Variants in MBNL2 observed in about 807,000 individuals in gnomAD.
MBNL2 encodes muscleblind-like protein 2.
In MBNL2, 17 loss-of-function variants were observed where a neutral mutation model predicts 41.9. The ratio of observed to expected loss-of-function variants is 0.41; its 90% CI spans 0.28 to 0.61. The LOEUF (loss-of-function observed/expected upper bound fraction) is 0.61, where lower values mean the gene tolerates loss of function less well. Ranked by LOEUF, MBNL2 falls within the 20% of genes least tolerant of loss-of-function variation. MBNL2 has a pLI of 0.35. For synonymous variants in MBNL2, 195 were observed against 182.9 expected, an observed-to-expected ratio of 1.07 and a Z score of -0.53; for missense variants, 336 against 505.6, an observed-to-expected ratio of 0.66 and a Z score of 3.22.
intron 2 of MBNL2, among the ~76,000 whole-genome samples, chr13:97,322,240 C>T (rs1184214377): frequency 6.6e-6 from 1 of 152,146 alleles, no homozygotes; most frequent in African/African-American, 2.4e-5. Context: ...TAAATGCCCA[C>T]GCCATGGTGC....
At chr13:97,256,834 C>T (rs1022577329) in intron 1 of MBNL2, among the ~76,000 whole-genome samples, 1 of 152,124 alleles carries the variant, frequency 6.6e-6, no homozygotes, top group Non-Finnish European at 1.5e-5. Flanking sequence ...AATCATTTCT[C>T]ATTTAGAGGC....
the MBNL2 span, among the ~76,000 whole-genome samples, chr13:97,176,052 CTGG>C: frequency 6.6e-6 from 1 of 152,180 alleles, no homozygotes; most frequent in Non-Finnish European, 1.5e-5. Context: ...CTCTGCCATG[CTGG>C]AAGAATCTGT....
At chr13:97,261,084 TCTC>T (rs147789858) in intron 1 of MBNL2, among the ~76,000 whole-genome samples, 3,596 of 152,018 alleles carry the variant, frequency 0.024, 131 homozygotes, top group African/African-American at 0.082. Context: ...GCCTTTTTCT[TCTC>T]CTTGATACCT....
chr13:97,346,869 C>T lies in MBNL2; in HGVS notation c.606C>T (p.Pro202=), dbSNP rs373489782. ...AGACCGACTGCCGCTTTGCACACCCCGCAGACAGCACCATGATCGACACAA... is the reference window on the plus strand; with the variant it reads ...AGACCGACTGCCGCTTTGCACACCCTGCAGACAGCACCATGATCGACACAA... ...RGETDCRFAH[P]ADSTMIDTSD... Residue 202 remains proline, a synonymous_variant, in exon 5 of 9, where the codon CCC becomes CCT. Coordinates refer to ENST00000679496, the MANE Select transcript of MBNL2 (RefSeq NM_001382683.1). The surrounding 1 kb of genome is among the most constrained non-coding windows in gnomAD (Gnocchi z 4.2). 15 of 1,613,912 alleles carry T rather than the reference C, an allele frequency of 9.3e-6. No homozygotes were observed. The highest frequency in any genetic ancestry group is 6.7e-5 in the Admixed American group (4 of 60,028).
At chr13:97,257,562 C>T (rs1028602808) in intron 1 of MBNL2, among the ~76,000 whole-genome samples, 3 of 152,298 alleles carry the variant, frequency 2.0e-5, no homozygotes, top group East Asian at 3.9e-4. Context: ...AGAAAATACC[C>T]AAAAGATACA....
At chr13:97,174,263 A>G in the MBNL2 span, among the ~76,000 whole-genome samples, 2 of 151,990 alleles carry the variant, frequency 1.3e-5, no homozygotes, top group African/African-American at 4.8e-5. Context: ...TAACTTCCTA[A>G]CTCTACAGCC....
the MBNL2 span, among the ~76,000 whole-genome samples, chr13:97,197,011 G>T: frequency 6.6e-6 from 1 of 152,148 alleles, no homozygotes; most frequent in African/African-American, 2.4e-5. Context: ...TGGAATGCCA[G>T]GAAATTGCTT....
the MBNL2 span, among the ~76,000 whole-genome samples, chr13:97,147,880 C>A: frequency 2.0e-5 from 3 of 152,084 alleles, no homozygotes; most frequent in African/African-American, 7.2e-5. Context: ...TAATAAAAGA[C>A]AAGACACAGA....
chr13:97,391,528 G>T lies in MBNL2; in HGVS notation c.*79G>T. 2.7e-6 allele frequency: 2 copies of T among 742,704 alleles called. No individual in the cohort carries two copies. Among genetic ancestry groups the T allele is most frequent in the South Asian group, 1.5e-5 (1 of 66,370 alleles). 46.0% of individuals were successfully genotyped at this position (742,704 alleles called of 1,614,324 possible). Reference sequence around the variant, plus strand: ...ATCTCATATATGAGTATTAAATATGGTATGCTTAGTATATTCCAACCTAAG... The same window carrying T: ...ATCTCATATATGAGTATTAAATATGTTATGCTTAGTATATTCCAACCTAAG... On this transcript the variant is annotated 3_prime_UTR_variant, in exon 9 of 9. Coordinates refer to ENST00000679496, the MANE Select transcript of MBNL2 (RefSeq NM_001382683.1).
chr13:97,151,610 G>GA, the MBNL2 span, among the ~76,000 whole-genome samples: 1 of 152,168 alleles, frequency 6.6e-6, no homozygotes, highest in Non-Finnish European at 1.5e-5. Flanking sequence ...ATGGAGTTGG[G>GA]AAGAGATGCA....
chr13:97,259,430 C>G (rs1235456813), intron 1 of MBNL2, among the ~76,000 whole-genome samples: 1 of 152,214 alleles, frequency 6.6e-6, no homozygotes, highest in African/African-American at 2.4e-5. Context: ...GCGCTGAGTG[C>G]TACAGGCAGA....
chr13:97,344,915 C>T (rs1292328870), intron 4 of MBNL2, among the ~76,000 whole-genome samples: 2 of 152,200 alleles, frequency 1.3e-5, no homozygotes, highest in African/African-American at 4.8e-5. Context: ...GTCAGCTGCA[C>T]ACAAAGCACC....
intron 2 of MBNL2, among the ~76,000 whole-genome samples, chr13:97,313,449 A>T (rs904305681): frequency 5.3e-5 from 8 of 152,182 alleles, no homozygotes; most frequent in Admixed American, 2.0e-4. Flanking sequence ...CAAATTTTTT[A>T]AAAAAGATCT....
At chr13:97,266,191 G>A (rs1037527454) in intron 1 of MBNL2, among the ~76,000 whole-genome samples, 5 of 152,102 alleles carry the variant, frequency 3.3e-5, no homozygotes, top group Admixed American at 2.6e-4. Context: ...GCAGTGAGCC[G>A]AGATTGTGCC....
In MBNL2 at chr13:97,391,579, T is replaced by G; in HGVS notation, c.*130T>G. The G allele has an allele frequency of 1.5e-6, 1 of 663,216 alleles. No homozygotes were observed. 41.1% of individuals were successfully genotyped at this position (663,216 alleles called of 1,614,324 possible). On this transcript the variant is annotated 3_prime_UTR_variant, in exon 9 of 9. Coordinates refer to ENST00000679496, the MANE Select transcript of MBNL2 (RefSeq NM_001382683.1). Reference sequence around the variant, plus strand: ...ATAGTTAACTACCTGAGACCAGCTGTGATGTTTAAAGACATAAAGGATAAA... The same window carrying G: ...ATAGTTAACTACCTGAGACCAGCTGGGATGTTTAAAGACATAAAGGATAAA...
intron 5 of MBNL2, among the ~76,000 whole-genome samples, chr13:97,354,169 AG>A (rs1276918939): frequency 6.6e-6 from 1 of 151,738 alleles, no homozygotes; most frequent in African/African-American, 2.4e-5. Context: ...TGGATTTCCA[AG>A]TGGCTGATAC....
intron 1 of MBNL2, among the ~76,000 whole-genome samples, chr13:97,244,174 A>G (rs190489686): frequency 1.4e-4 from 22 of 152,356 alleles, no homozygotes; most frequent in African/African-American, 4.6e-4. Flanking sequence ...TAAAATTCCA[A>G]TGTGATTCTT....
chr13:97,310,168 C>T (rs1270922219), intron 2 of MBNL2, among the ~76,000 whole-genome samples: 1 of 152,070 alleles, frequency 6.6e-6, no homozygotes, highest in Non-Finnish European at 1.5e-5. Context: ...TTGCAAAGGC[C>T]TGGGTTAGGG....
intron 8 of MBNL2, among the ~76,000 whole-genome samples, chr13:97,390,316 A>G (rs1032024116): frequency 6.6e-5 from 10 of 152,154 alleles, no homozygotes; most frequent in African/African-American, 1.7e-4. Flanking sequence ...GAAATTATAC[A>G]TAACAGGATA....
Sources: gnomAD v4.1 joint callset for allele counts (sites outside exome capture counted in the v4.1 genomes callset) on GRCh38, gnomAD v4.1.1 for gene constraint, Gnocchi (gnomAD v3.1) non-coding constraint, MANE v1.5 for transcripts, NCBI Gene and HGNC (gene_info 2026-07-23, HGNC 2026-07-21) for gene names.